Variants in TRPS1 observed in about 807,000 individuals in gnomAD.
TRPS1 encodes transcriptional repressor GATA binding 1.
TRPS1 carries 6 observed loss-of-function variants against 101.2 expected under a neutral mutation model. The ratio of observed to expected loss-of-function variants is 0.06; its 90% CI spans 0.03 to 0.12. TRPS1 has a LOEUF of 0.12. TRPS1 is among the 10% of genes least tolerant of loss of function. The pLI is 1.00. For synonymous variants in TRPS1, 578 were observed against 589.8 expected (o/e 0.98, Z 0.29); for missense variants, 1,363 against 1,567.0 (o/e 0.87, Z 2.20).
chr8:115,474,604 A>G (rs1454659056), intron 5 of TRPS1, among the ~76,000 whole-genome samples: 1 of 152,142 alleles, frequency 6.6e-6, no homozygotes, highest in Non-Finnish European at 1.5e-5. Flanking sequence ...AAGTGTCTGT[A>G]TTTAAAAGTG....
Position 115,418,230 on chromosome 8 carries a change from G to C in TRPS1, c.2823+100C>G. The C allele has an allele frequency of 6.3e-7, 1 of 1,596,504 alleles. No individual in the cohort carries two copies. Among genetic ancestry groups the C allele is most frequent in the South Asian group, 1.1e-5 (1 of 90,464 alleles). The stretch of plus-strand genomic sequence containing the variant: ...TGACTGTATTAAAACAACCCTGCGG[G>C]GGCAGGCACTGCAAGCCAGGGAATG... On this transcript the variant is annotated intron_variant, in intron 6 of 6. Coordinates refer to ENST00000395715, the MANE Select transcript of TRPS1 (RefSeq NM_014112.5). The surrounding 1 kb of genome is among the most constrained non-coding windows in gnomAD (Gnocchi z 4.3).
At chr8:115,455,232 C>A (rs1401878804) in intron 5 of TRPS1, among the ~76,000 whole-genome samples, 1 of 152,190 alleles carries the variant, frequency 6.6e-6, no homozygotes, top group Non-Finnish European at 1.5e-5. Context: ...GCACTGCCTG[C>A]AACATGGTTT....
At chr8:115,548,066 C>T (rs1211753513) in intron 5 of TRPS1, among the ~76,000 whole-genome samples, 1 of 146,606 alleles carries the variant, frequency 6.8e-6, no homozygotes, top group Admixed American at 6.8e-5. Flanking sequence ...ACCATCTCTA[C>T]ATAAAAAAAA....
At chr8:115,602,767 C>T (rs746044199) in intron 4 of TRPS1, among the ~76,000 whole-genome samples, 7 of 152,136 alleles carry the variant, frequency 4.6e-5, no homozygotes, top group Non-Finnish European at 1.0e-4. Flanking sequence ...AAGCTTTCTA[C>T]TTTGATGCTG....
At chr8:115,572,797 T>C (rs1817235386) in intron 5 of TRPS1, among the ~76,000 whole-genome samples, 1 of 152,144 alleles carries the variant, frequency 6.6e-6, no homozygotes, top group South Asian at 2.1e-4. Flanking sequence ...TATTTTACCC[T>C]CACAGAACAG....
At chr8:115,655,324 A>C (rs1251062824) in intron 1 of TRPS1, among the ~76,000 whole-genome samples, 1 of 152,204 alleles carries the variant, frequency 6.6e-6, no homozygotes, top group East Asian at 1.9e-4. Context: ...CTATTTCTCC[A>C]TAACAGAATG....
At chr8:115,461,274 T>C (rs1189167817) in intron 5 of TRPS1, among the ~76,000 whole-genome samples, 290 of 83,504 alleles carry the variant, frequency 3.5e-3, no homozygotes, top group Middle Eastern at 5.2e-3. Context: ...GATAGATAGA[T>C]AGATAGATAG....
chr8:115,584,586 C>CT (rs147907120), intron 5 of TRPS1, among the ~76,000 whole-genome samples: 34 of 146,670 alleles, frequency 2.3e-4, no homozygotes, highest in Non-Finnish European at 3.9e-4. Context: ...ACTTATAGTA[C>CT]TTTTTTTTTG....
chr8:115,492,076 A>AAT (rs1221530730), intron 5 of TRPS1: 2 of 421,160 alleles, frequency 4.7e-6, no homozygotes, highest in Non-Finnish European at 9.4e-6. Context: ...TACATGTTTA[A>AAT]AATTTTGAAA....
At chr8:115,584,084 T>C (rs1405045020) in intron 5 of TRPS1, among the ~76,000 whole-genome samples, 1 of 152,084 alleles carries the variant, frequency 6.6e-6, no homozygotes, top group Non-Finnish European at 1.5e-5. Flanking sequence ...ATTTTAATTA[T>C]GTGCTTTGTA....
At position 115,414,291 on chromosome 8, in the gene TRPS1, T is replaced by C. The variant is rs778438098; in HGVS notation, c.3617A>G (p.Asn1206Ser). The C allele has an allele frequency of 6.2e-7, 1 of 1,613,890 alleles. No homozygotes were observed. Among genetic ancestry groups the C allele is most frequent in the Admixed American group, 1.7e-5 (1 of 59,926 alleles). The change falls in exon 7 of 7, where the codon AAT becomes AGT. Residue 1206 changes from asparagine to serine, a missense_variant. By Grantham distance (46) the Asn-to-Ser change is conservative. Around this residue, in one of 5 missense-constraint regions of TRPS1, gnomAD observed 307 missense variants for 392.4 expected, o/e 0.78. Transcript: ENST00000395715. The surrounding 1 kb of genome is among the most constrained non-coding windows in gnomAD (Gnocchi z 4.8). The part of the protein sequence containing the change: ...EKTKAPPNVK[N>S]EGPLNVVKTE... Reference sequence around the variant, plus strand: ...TTTTACTACATTCAAGGGACCTTCATTTTTTACATTTGGTGGTGCCTTCGT... The same window carrying C: ...TTTTACTACATTCAAGGGACCTTCACTTTTTACATTTGGTGGTGCCTTCGT...
intron 5 of TRPS1, among the ~76,000 whole-genome samples, chr8:115,423,937 A>G (rs570600573): frequency 7.2e-5 from 11 of 152,348 alleles, no homozygotes; most frequent in Non-Finnish European, 1.6e-4. Flanking sequence ...TTTGAAAAGG[A>G]ACTGATTTCA....
intron 1 of TRPS1, among the ~76,000 whole-genome samples, chr8:115,636,071 TGATAA>T (rs1337344480): frequency 1.1e-4 from 16 of 143,074 alleles, no homozygotes; most frequent in African/African-American, 4.3e-4. Flanking sequence ...TTTCATTTTC[TGATAA>T]GATAATGCCA....
intron 5 of TRPS1, among the ~76,000 whole-genome samples, chr8:115,581,729 A>C (rs1817457074): frequency 1.3e-5 from 2 of 152,212 alleles, no homozygotes; most frequent in Non-Finnish European, 2.9e-5. Flanking sequence ...TCAATAAATA[A>C]GAAAAAGCTA....
At chr8:115,659,802 T>C (rs1002593636) in intron 1 of TRPS1, among the ~76,000 whole-genome samples, 1 of 151,980 alleles carries the variant, frequency 6.6e-6, no homozygotes, top group African/African-American at 2.4e-5. Flanking sequence ...CATGCTCTCA[T>C]TTCAGAACCA....
intron 5 of TRPS1, among the ~76,000 whole-genome samples, chr8:115,456,049 G>C (rs1232818383): frequency 6.6e-6 from 1 of 152,062 alleles, no homozygotes; most frequent in Admixed American, 6.5e-5. Context: ...CTCCCAAAGT[G>C]CTGGGATTAC....
chr8:115,608,836 T>C (rs1055362745), intron 3 of TRPS1, among the ~76,000 whole-genome samples: 1 of 151,602 alleles, frequency 6.6e-6, no homozygotes, highest in South Asian at 2.1e-4. Context: ...TTAACTGAAA[T>C]GTATTTATTT....
intron 4 of TRPS1, among the ~76,000 whole-genome samples, chr8:115,601,742 T>C (rs1817911789): frequency 6.6e-6 from 1 of 152,180 alleles, no homozygotes; most frequent in African/African-American, 2.4e-5. Context: ...TCCAAGACCA[T>C]ATAATAGTGA....
chr8:115,433,209 G>T (rs1813365288), intron 5 of TRPS1, among the ~76,000 whole-genome samples: 1 of 151,896 alleles, frequency 6.6e-6, no homozygotes, highest in South Asian at 2.1e-4. Flanking sequence ...CAGAGTGGAT[G>T]CCATTATATA....
Sources: gnomAD v4.1 joint callset for allele counts (sites outside exome capture counted in the v4.1 genomes callset) on GRCh38, gnomAD v4.1.1 for gene constraint, gnomAD v4.1.1 regional missense constraint, Gnocchi (gnomAD v3.1) non-coding constraint, MANE v1.5 for transcripts, NCBI Gene and HGNC (gene_info 2026-07-23, HGNC 2026-07-21) for gene names.